Variants in FRMD4B observed in about 807,000 individuals in gnomAD.
The protein encoded by FRMD4B is FERM domain-containing protein 4B.
A neutral mutation model predicts 141.5 loss-of-function variants in FRMD4B; 74 were observed. The observed-to-expected ratio is 0.52, with a 90% CI of 0.43 to 0.63. The LOEUF (loss-of-function observed/expected upper bound fraction) is 0.63, where lower values mean the gene tolerates loss of function less well. FRMD4B is among the 30% of genes least tolerant of loss of function. The pLI is 0.00. For missense variants in FRMD4B, 1,366 were observed against 1,253.4 expected (o/e 1.09, Z -1.36); for synonymous variants, 506 against 467.9 (o/e 1.08, Z -1.05).
chr3:69,258,865 C>T (rs1462311709), intron 5 of FRMD4B, among the ~76,000 whole-genome samples: 1 of 152,116 alleles, frequency 6.6e-6, no homozygotes, highest in Non-Finnish European at 1.5e-5. Flanking sequence ...AACTCAGCTC[C>T]TCATCTGCAA....
intron 1 of FRMD4B, among the ~76,000 whole-genome samples, chr3:69,324,308 G>T (rs1441450005): frequency 2.0e-5 from 3 of 152,220 alleles, no homozygotes; most frequent in Non-Finnish European, 4.4e-5. Context: ...TTAATTCAGT[G>T]TGGAAAAGCT....
chr3:69,260,848 C>T (rs749390995), intron 5 of FRMD4B, among the ~76,000 whole-genome samples: 1 of 152,180 alleles, frequency 6.6e-6, no homozygotes, highest in Non-Finnish European at 1.5e-5. Flanking sequence ...ACCTAGTAGG[C>T]ACTTGGAGAA....
chr3:69,278,469 A>C (rs2093628668), intron 5 of FRMD4B, among the ~76,000 whole-genome samples: 1 of 150,850 alleles, frequency 6.6e-6, no homozygotes, highest in Non-Finnish European at 1.5e-5. Context: ...GGCTATTTTA[A>C]AAATTTTCTG....
At chr3:69,512,280 A>C (rs546797690) in intron 1 of FRMD4B, among the ~76,000 whole-genome samples, 1 of 152,296 alleles carries the variant, frequency 6.6e-6, no homozygotes, top group East Asian at 1.9e-4. Context: ...TAATTTATTT[A>C]CTTATTTGGT....
At chr3:69,357,582 C>G (rs778332749) in intron 1 of FRMD4B, among the ~76,000 whole-genome samples, 2 of 152,124 alleles carry the variant, frequency 1.3e-5, no homozygotes, top group African/African-American at 4.8e-5. Flanking sequence ...ATATGTCCAC[C>G]AATTTAAGGA....
At chr3:69,313,850 A>T (rs548890539) in intron 1 of FRMD4B, among the ~76,000 whole-genome samples, 159 of 151,780 alleles carry the variant, frequency 1.0e-3, no homozygotes, top group African/African-American at 3.7e-3. Flanking sequence ...GTTTTATTTA[A>T]AAAAAAAGGC....
chr3:69,535,687 T>C, intron 1 of FRMD4B: 1 of 330,362 alleles, frequency 3.0e-6, no homozygotes, highest in Non-Finnish European at 6.1e-6. Context: ...GCTAGATACG[T>C]CAGATGAGGA....
intron 1 of FRMD4B, among the ~76,000 whole-genome samples, chr3:69,517,461 A>C (rs1275810946): frequency 1.3e-5 from 2 of 152,216 alleles, no homozygotes; most frequent in African/African-American, 4.8e-5. Context: ...AACTGAAAGT[A>C]GTGTTAGGAT....
intron 1 of FRMD4B, among the ~76,000 whole-genome samples, chr3:69,488,106 G>GA (rs1706247068): frequency 6.6e-6 from 1 of 151,942 alleles, no homozygotes; most frequent in Non-Finnish European, 1.5e-5. Flanking sequence ...AAAAAAGGAA[G>GA]AAAAAAGAGA....
intron 1 of FRMD4B, among the ~76,000 whole-genome samples, chr3:69,462,081 G>A (rs1355202734): frequency 6.6e-6 from 1 of 152,192 alleles, no homozygotes; most frequent in Non-Finnish European, 1.5e-5. Flanking sequence ...AAGGAGTCAG[G>A]GAGGAGGATT....
intron 1 of FRMD4B, among the ~76,000 whole-genome samples, chr3:69,515,101 A>C (rs529179021): frequency 6.6e-6 from 1 of 152,288 alleles, no homozygotes; most frequent in South Asian, 2.1e-4. Flanking sequence ...AGCCTAAATC[A>C]CTCAGTGGGG....
At chr3:69,177,867 C>A (rs781472163) in intron 21 of FRMD4B, among the ~76,000 whole-genome samples, 7 of 151,984 alleles carry the variant, frequency 4.6e-5, no homozygotes, top group Non-Finnish European at 7.4e-5. Context: ...ACAACACTGG[C>A]CGCTAGCAAG....
chr3:69,443,027 C>G (rs1393993869), intron 1 of FRMD4B, among the ~76,000 whole-genome samples: 1 of 152,124 alleles, frequency 6.6e-6, no homozygotes, highest in Non-Finnish European at 1.5e-5. Context: ...CCCTTTCAAC[C>G]ACATCTGAGT....
intron 1 of FRMD4B, among the ~76,000 whole-genome samples, chr3:69,509,509 C>T (rs941066111): frequency 2.6e-5 from 4 of 152,110 alleles, no homozygotes; most frequent in African/African-American, 9.7e-5. Context: ...TAAATCTTGA[C>T]TATCAGGGTG....
intron 1 of FRMD4B, among the ~76,000 whole-genome samples, chr3:69,366,968 T>C (rs1703682091): frequency 2.6e-5 from 4 of 152,076 alleles, no homozygotes; most frequent in Admixed American, 2.0e-4. Flanking sequence ...AATTTTGCCA[T>C]GTTGCCCAGG....
intron 1 of FRMD4B, among the ~76,000 whole-genome samples, chr3:69,369,873 G>A (rs5849896): frequency 0.77 from 116,703 of 151,558 alleles, 46,096 homozygotes; most frequent in East Asian, 0.92. Flanking sequence ...AAACATTTGG[G>A]AAATACCTGG....
chr3:69,385,067 TA>T (rs111527962), intron 1 of FRMD4B, among the ~76,000 whole-genome samples: 367 of 140,438 alleles, frequency 2.6e-3, no homozygotes, highest in Middle Eastern at 3.7e-3. Flanking sequence ...AATTACTGTC[TA>T]AAAAAAAAAA....
intron 1 of FRMD4B, among the ~76,000 whole-genome samples, chr3:69,351,159 T>G (rs1703135825): frequency 6.6e-6 from 1 of 152,190 alleles, no homozygotes; most frequent in African/African-American, 2.4e-5. Context: ...ATAAATTGAT[T>G]GTTTAACCTT....
At chr3:69,528,928 G>A (rs1202241996) in intron 1 of FRMD4B, among the ~76,000 whole-genome samples, 1 of 152,170 alleles carries the variant, frequency 6.6e-6, no homozygotes, top group Non-Finnish European at 1.5e-5. Context: ...AAGGGAGCTG[G>A]AGTATCCATA....
Sources: gnomAD v4.1 joint callset for allele counts (sites outside exome capture counted in the v4.1 genomes callset) on GRCh38, gnomAD v4.1.1 for gene constraint, MANE v1.5 for transcripts, NCBI Gene and HGNC (gene_info 2026-07-23, HGNC 2026-07-21) for gene names.